Variants in ABL1 observed in about 807,000 individuals in gnomAD.
The protein encoded by ABL1 is tyrosine-protein kinase ABL1.
Under a neutral mutation model 94.7 loss-of-function variants are expected in ABL1, and 11 were observed. That is an observed-to-expected ratio of 0.12 (90% CI 0.07 to 0.19). ABL1 has a LOEUF of 0.19. ABL1 is among the 10% of genes least tolerant of loss of function. The probability of loss-of-function intolerance (pLI) is 1.00; values close to 1 mark genes in which losing one functional copy is unlikely to be tolerated. For missense variants in ABL1, 1,082 were observed against 1,489.4 expected (o/e 0.73, Z 4.50); for synonymous variants, 656 against 622.4 (o/e 1.05, Z -0.80).
At chr9:130,852,713 A>T (rs1329710173) in intron 1 of ABL1, among the ~76,000 whole-genome samples, 2 of 152,202 alleles carry the variant, frequency 1.3e-5, no homozygotes, top group Non-Finnish European at 2.9e-5. Context: ...TCAGGAACAA[A>T]TAACCTATTT....
chr9:130,884,005 T>C lies in ABL1; in HGVS notation c.1715T>C (p.Leu572Pro), dbSNP rs1831514205. 5.0e-6 allele frequency: 8 copies of C among 1,613,348 alleles called. No individual in the cohort carries two copies. Among genetic ancestry groups the C allele is most frequent in the Non-Finnish European group, 6.8e-6 (8 of 1,179,952 alleles). The change falls in exon 11 of 11, where the codon CTC becomes CCC. Residue 572 changes from leucine to proline, a missense_variant. Leu to Pro is a moderately conservative substitution (Grantham distance 98, BLOSUM62 -3). Transcript: ENST00000318560. This position sits in a 1 kb window ranked among gnomAD's most constrained non-coding sequence, Gnocchi z 5.6. ...CATGAGCCTGCCGTGTCTCCATTGCTCCCTCGAAAAGAGCGAGGTCCCCCG... is the reference window on the plus strand; with the variant it reads ...CATGAGCCTGCCGTGTCTCCATTGCCCCCTCGAAAAGAGCGAGGTCCCCCG... ...LDHEPAVSPL[L>P]PRKERGPPEG...
At chr9:130,809,806 T>TC (rs1208482361) in intron 1 of ABL1, among the ~76,000 whole-genome samples, 1 of 152,224 alleles carries the variant, frequency 6.6e-6, no homozygotes, top group Non-Finnish European at 1.5e-5. Context: ...ACCAAAGATC[T>TC]GAGCACGTAT....
At chr9:130,773,450 A>G (rs191141203) in intron 1 of ABL1, among the ~76,000 whole-genome samples, 454 of 151,934 alleles carry the variant, frequency 3.0e-3, no homozygotes, top group Non-Finnish European at 4.9e-3. Context: ...TTTTCCCCCA[A>G]TGTTTTGTTT....
chr9:130,854,689 G>A, intron 2 of ABL1, 112 bp from the exon 3 acceptor site: 3 of 1,122,720 alleles, frequency 2.7e-6, no homozygotes, highest in African/African-American at 1.6e-5. Flanking sequence ...TTGTTAAAAT[G>A]AAATTGGTAT....
Position 130,808,214 on chromosome 9 carries a change from TTTCTTC to T in ABL1, c.137-45820_137-45815del, listed in dbSNP as rs372530078. Among the ~76,000 whole-genome samples the T allele has an allele frequency of 6.0e-3, 853 of 142,938 alleles. 14 individuals carry two copies. The highest frequency in any genetic ancestry group is 0.012 in the African/African-American group (449 of 37,458). The allele number at this position is 142,938 out of a possible 152,430, so 93.8% of individuals were successfully genotyped here. On this transcript the variant is annotated intron_variant, in intron 1 of 10. Coordinates refer to the ABL1 transcript ENST00000372348. Reference sequence around the variant, plus strand: ...TGTGACAACCTTTATCCTAATTTCTTTTCTTCTTCTTCTTCTTCTTCTTCTTCTTCT... The same window carrying T: ...TGTGACAACCTTTATCCTAATTTCTTTTCTTCTTCTTCTTCTTCTTCTTCT...
rs1298768585 is a variant in ABL1, at chr9:130,886,003, C to G, written c.*320C>G. The G allele has an allele frequency of 1.4e-5, 5 of 365,828 alleles. No homozygotes were observed. Among genetic ancestry groups the G allele is most frequent in the African/African-American group, 8.1e-5 (4 of 49,292 alleles). The allele number at this position is 365,828 out of a possible 1,614,324, so 22.7% of individuals were successfully genotyped here. A position where few individuals can be genotyped will look rare whatever the true frequency, so the allele number is the denominator to read the frequency against. On this transcript the variant is annotated 3_prime_UTR_variant, in exon 11 of 11. Coordinates refer to ENST00000318560, the MANE Select transcript of ABL1 (RefSeq NM_005157.6). ...ACCTAGTGCCCCAGACTGAGCTCTC[C>G]AGGCCAGGTGGGAACGGCTGATGTG... is the stretch of plus-strand genomic sequence containing the variant.
chr9:130,870,982 C>T (rs942046354), intron 4 of ABL1, among the ~76,000 whole-genome samples: 12 of 152,176 alleles, frequency 7.9e-5, no homozygotes, highest in Non-Finnish European at 1.3e-4. Flanking sequence ...CATCAGGACA[C>T]GGTGTCTCCC....
intron 3 of ABL1, among the ~76,000 whole-genome samples, chr9:130,858,923 C>T (rs1052385971): frequency 6.6e-6 from 1 of 152,134 alleles, no homozygotes; most frequent in Admixed American, 6.5e-5. Flanking sequence ...GGGTCATCAG[C>T]CGAGGACCAT....
chr9:130,823,238 A>G (rs1330658782), intron 1 of ABL1, among the ~76,000 whole-genome samples: 1 of 152,190 alleles, frequency 6.6e-6, no homozygotes, highest in East Asian at 1.9e-4. Flanking sequence ...GGAGCTGGAC[A>G]CTGGGCTGCA....
chr9:130,753,391 C>G (rs529137884), intron 1 of ABL1, among the ~76,000 whole-genome samples: 1 of 150,606 alleles, frequency 6.6e-6, no homozygotes, highest in East Asian at 1.9e-4. Context: ...TTATACTTGC[C>G]TCTCTCTCAT....
chr9:130,714,582 GTTATCTC>G (rs1831412944), intron 1 of ABL1: 1 of 1,269,936 alleles, frequency 7.9e-7, no homozygotes, highest in South Asian at 1.2e-5. Context: ...TGTTACTGTA[GTTATCTC>G]TTAGTGGAAC....
At chr9:130,716,925 T>G (rs1007858689) in intron 1 of ABL1, among the ~76,000 whole-genome samples, 3 of 151,586 alleles carry the variant, frequency 2.0e-5, no homozygotes, top group African/African-American at 7.3e-5. Flanking sequence ...TAATGGAGAA[T>G]TTTTATCTGC....
At chr9:130,848,498 A>T (rs1451747512) in intron 1 of ABL1, among the ~76,000 whole-genome samples, 4 of 146,180 alleles carry the variant, frequency 2.7e-5, no homozygotes, top group Non-Finnish European at 6.0e-5. Context: ...AGCCTGGGCG[A>T]TGGAGTGAGA....
intron 1 of ABL1, among the ~76,000 whole-genome samples, chr9:130,750,201 A>G (rs1198100858): frequency 9.6e-5 from 2 of 20,864 alleles, no homozygotes; most frequent in African/African-American, 5.5e-4. Flanking sequence ...ACATATATAT[A>G]TATATATATA....
chr9:130,736,173 C>A (rs531565231), intron 1 of ABL1, among the ~76,000 whole-genome samples: 1 of 151,852 alleles, frequency 6.6e-6, no homozygotes, highest in African/African-American at 2.4e-5. Flanking sequence ...CCAGGCTGGT[C>A]TTAAACTCCT....
At chr9:130,857,659 A>G (rs1200829096) in intron 3 of ABL1, among the ~76,000 whole-genome samples, 3 of 151,014 alleles carry the variant, frequency 2.0e-5, no homozygotes, top group East Asian at 3.9e-4. Flanking sequence ...CTGTCTTCAC[A>G]CATTCACTTG....
chr9:130,755,530 C>CT (rs1207339135), intron 1 of ABL1, among the ~76,000 whole-genome samples: 1 of 152,144 alleles, frequency 6.6e-6, no homozygotes, highest in Non-Finnish European at 1.5e-5. Flanking sequence ...TTCGTGGTCT[C>CT]TGGAAAGAAT....
chr9:130,797,292 A>G (rs1324848052), intron 1 of ABL1, among the ~76,000 whole-genome samples: 1 of 146,546 alleles, frequency 6.8e-6, no homozygotes, highest in African/African-American at 2.5e-5. Context: ...TCGTTGTGTC[A>G]TATTCTATCG....
In ABL1 at chr9:130,885,514, A is replaced by T. The variant is rs1368430505; in HGVS notation, c.3224A>T (p.Gln1075Leu). The T allele has an allele frequency of 6.2e-7, 1 of 1,614,198 alleles. No individual in the cohort carries two copies. The highest frequency in any genetic ancestry group is 1.1e-5 in the South Asian group (1 of 91,092). ...TFCVSYVDSI[Q>L]QMRNKFAFRE... is the part of the protein sequence containing the mutation. ...TGCGTGAGCTATGTGGATTCCATCCAGCAAATGAGGAACAAGTTTGCCTTC... is the reference window on the plus strand; with the variant it reads ...TGCGTGAGCTATGTGGATTCCATCCTGCAAATGAGGAACAAGTTTGCCTTC... The change falls in exon 11 of 11, where the codon CAG becomes CTG. Residue 1075 changes from glutamine to leucine, a missense_variant. Gln to Leu is a moderately radical substitution (Grantham distance 113). Transcript: ENST00000318560.
Sources: allele counts gnomAD v4.1 joint callset (sites outside exome capture counted in the v4.1 genomes callset), GRCh38; gene constraint gnomAD v4.1.1; non-coding constraint Gnocchi (gnomAD v3.1); transcripts MANE v1.5; gene names NCBI Gene and HGNC (gene_info 2026-07-23, HGNC 2026-07-21).